Variants in LRIG3 observed in about 807,000 individuals in gnomAD.
LRIG3 encodes leucine rich repeats and immunoglobulin like domains 3, also known as leucine-rich repeats and immunoglobulin-like domains protein 3.
A neutral mutation model predicts 114.5 loss-of-function variants in LRIG3; 76 were observed. The observed-to-expected ratio is 0.66, with a 90% CI of 0.55 to 0.80. The LOEUF (loss-of-function observed/expected upper bound fraction) is 0.80. Ranked by LOEUF, LRIG3 falls within the 30% of genes least tolerant of loss-of-function variation. LRIG3 has a pLI of 0.00. For synonymous variants in LRIG3, 512 were observed against 519.8 expected, an observed-to-expected ratio of 0.98 and a Z score of 0.20; for missense variants, 1,239 against 1,382.8, an observed-to-expected ratio of 0.90 and a Z score of 1.65.
In LRIG3 at chr12:58,888,899, C is replaced by T. The variant is rs1262480387; in HGVS notation, c.723G>A (p.Leu241=). The change falls in exon 6 of 19, where the codon CTG becomes CTA. Residue 241 remains leucine, a synonymous_variant. Coordinates refer to ENST00000320743, the MANE Select transcript of LRIG3 (RefSeq NM_153377.5). The part of the protein sequence containing the change: ...DGLTFQGLGA[L]KSLKMQRNGV... ...CATTTCTTTGCATTTTCAGAGACTT[C>T]AGAGCACCAAGGCCTTGGAATGTCA... The T allele has an allele frequency of 1.2e-6, 2 of 1,613,766 alleles. No individual in the cohort carries two copies. Among genetic ancestry groups the T allele is most frequent in the Non-Finnish European group, 1.7e-6 (2 of 1,179,868 alleles).
chr12:58,876,071 A>G (rs1470236968), intron 16 of LRIG3, among the ~76,000 whole-genome samples: 1 of 152,204 alleles, frequency 6.6e-6, no homozygotes, highest in Non-Finnish European at 1.5e-5. Context: ...AAAATAAATA[A>G]ATAAAAAATA....
intron 3 of LRIG3, among the ~76,000 whole-genome samples, chr12:58,905,951 T>C (rs995409012): frequency 6.6e-6 from 1 of 152,192 alleles, no homozygotes; most frequent in African/African-American, 2.4e-5. Flanking sequence ...AGGTATTCTG[T>C]TATAAGCACA....
At chr12:58,894,799 A>T (rs1485070807) in intron 3 of LRIG3, among the ~76,000 whole-genome samples, 5 of 152,260 alleles carry the variant, frequency 3.3e-5, no homozygotes, top group African/African-American at 1.2e-4. Flanking sequence ...ATAAACTGTA[A>T]ATACTGGAAG....
At chr12:58,908,987 G>C (rs1028265550) in intron 3 of LRIG3, among the ~76,000 whole-genome samples, 24 of 152,118 alleles carry the variant, frequency 1.6e-4, no homozygotes, top group Non-Finnish European at 1.5e-5. Context: ...GCCTGAATGT[G>C]GCAGGGCAGG....
chr12:58,917,977 G>A (rs1489773782), intron 1 of LRIG3, among the ~76,000 whole-genome samples: 1 of 152,102 alleles, frequency 6.6e-6, no homozygotes, highest in East Asian at 1.9e-4. Flanking sequence ...TTTCAAAAGT[G>A]GAAAGAGGAG....
chr12:58,894,437 CA>C (rs1231037748), intron 3 of LRIG3, among the ~76,000 whole-genome samples: 2 of 151,844 alleles, frequency 1.3e-5, no homozygotes, highest in African/African-American at 2.4e-5. Context: ...AACAAACAAA[CA>C]AAAAACTTGC....
Position 58,886,762 on chromosome 12 carries a change from A to C in LRIG3, c.1172+48T>G, listed in dbSNP as rs1257965815. 1.5e-5 allele frequency: 24 copies of C among 1,553,574 alleles called. No individual in the cohort carries two copies. The South Asian group carries it at 2.7e-4, about 17-fold the overall frequency. The stretch of plus-strand genomic sequence containing the variant: ...TATAGCTGACTTCAGTGAAGACAAA[A>C]TTTTTAAATCAAAGAGTGAGCTAAA... On this transcript the variant is annotated intron_variant, in intron 9 of 18. Transcript: ENST00000320743.
chr12:58,874,699 T>C, intron 16 of LRIG3, 126 bp from the exon 17 acceptor site: 1 of 1,268,846 alleles, frequency 7.9e-7, no homozygotes, highest in South Asian at 1.5e-5. Context: ...ACAAAAAAAT[T>C]GCAAAAATTT....
At chr12:58,911,787 A>G (rs12302033) in intron 3 of LRIG3, among the ~76,000 whole-genome samples, 5,841 of 152,292 alleles carry the variant, frequency 0.038, 356 homozygotes, top group African/African-American at 0.13. Context: ...GAGAAACAAT[A>G]ATTGTATATT....
intron 3 of LRIG3, among the ~76,000 whole-genome samples, chr12:58,902,905 C>T (rs1331029218): frequency 1.1e-4 from 16 of 152,122 alleles, no homozygotes; most frequent in Non-Finnish European, 1.8e-4. Context: ...GAACTCATCC[C>T]TTTTTATGGC....
chr12:58,910,743 A>G (rs1433556378), intron 3 of LRIG3, among the ~76,000 whole-genome samples: 2 of 152,252 alleles, frequency 1.3e-5, no homozygotes, highest in Admixed American at 6.5e-5. Flanking sequence ...AACCATTAGC[A>G]TCAAGACTAA....
intron 3 of LRIG3, among the ~76,000 whole-genome samples, chr12:58,907,915 T>C (rs1295272232): frequency 1.3e-5 from 2 of 152,044 alleles, no homozygotes; most frequent in African/African-American, 4.8e-5. Context: ...TGGAAGGAGA[T>C]GTGTGACCAT....
chr12:58,901,954 T>A (rs1306952041), intron 3 of LRIG3, among the ~76,000 whole-genome samples: 1 of 152,200 alleles, frequency 6.6e-6, no homozygotes, highest in Non-Finnish European at 1.5e-5. Context: ...GATTCCAAGT[T>A]GCTAGAATTA....
intron 10 of LRIG3, among the ~76,000 whole-genome samples, chr12:58,884,426 G>A (rs575138309): frequency 6.6e-5 from 10 of 152,170 alleles, no homozygotes; most frequent in Admixed American, 1.3e-4. Flanking sequence ...GACCAGACAT[G>A]GCTAGACGAA....
At chr12:58,915,369 T>C (rs1872440503) in intron 1 of LRIG3, among the ~76,000 whole-genome samples, 1 of 152,222 alleles carries the variant, frequency 6.6e-6, no homozygotes, top group South Asian at 2.1e-4. Flanking sequence ...CAAAGTTGAT[T>C]GGAGAAAAGC....
Position 58,874,020 on chromosome 12 carries a change from C to T in LRIG3, c.3115+35G>A, listed in dbSNP as rs754391592. 5 of 1,610,046 alleles carry T rather than the reference C, an allele frequency of 3.1e-6. No individual in the cohort carries two copies. In the South Asian group the frequency reaches 3.3e-5, roughly 11 times the overall value. ...TCACACACAACTTGGAGTATGGATC[C>T]TCAGACGAGGTACCTGATAACTTAA... On this transcript the variant is annotated intron_variant, in intron 18 of 18. Coordinates refer to ENST00000320743, the MANE Select transcript of LRIG3 (RefSeq NM_153377.5).
At chr12:58,907,636 GGA>G (rs1872114935) in intron 3 of LRIG3, among the ~76,000 whole-genome samples, 1 of 152,170 alleles carries the variant, frequency 6.6e-6, no homozygotes, top group Non-Finnish European at 1.5e-5. Flanking sequence ...CGGAACCCCA[GGA>G]GAGAGATGGG....
chr12:58,913,448 C>T (rs1872356744), intron 3 of LRIG3: 1 of 152,218 alleles, frequency 6.6e-6, no homozygotes, highest in African/African-American at 2.4e-5. Flanking sequence ...TGCAAAACAA[C>T]CTGCAAAGTT....
At chr12:58,884,576 G>A (rs769077881) in intron 10 of LRIG3, among the ~76,000 whole-genome samples, 20 of 152,176 alleles carry the variant, frequency 1.3e-4, no homozygotes, top group Admixed American at 2.6e-4. Flanking sequence ...AAAATAATCG[G>A]TTTCAATAAA....
Sources: gnomAD v4.1 joint callset for allele counts (sites outside exome capture counted in the v4.1 genomes callset) on GRCh38, gnomAD v4.1.1 for gene constraint, MANE v1.5 for transcripts, NCBI Gene and HGNC (gene_info 2026-07-23, HGNC 2026-07-21) for gene names.